CLIP4: variants seen among roughly 807,000 people sequenced by gnomAD.
CLIP4 encodes the protein CAP-Gly domain-containing linker protein 4.
A neutral mutation model predicts 73.1 loss-of-function variants in CLIP4; 47 were observed. The ratio of observed to expected loss-of-function variants is 0.64; its 90% CI spans 0.51 to 0.82. The LOEUF (loss-of-function observed/expected upper bound fraction) is 0.82. Among genes scored for constraint, CLIP4 ranks in the 40% least tolerant of loss-of-function variants. The pLI, the probability that CLIP4 is intolerant of heterozygous loss-of-function variation, is 0.00. For synonymous variants in CLIP4, 306 were observed against 295.4 expected (o/e 1.04, Z -0.37); for missense variants, 874 against 852.9 (o/e 1.02, Z -0.31).
At chr2:29,152,540 C>G in intron 8 of CLIP4, 145 bp from the exon 9 acceptor site, 1 of 729,308 alleles carries the variant, frequency 1.4e-6, no homozygotes, top group East Asian at 2.9e-5. Context: ...AGTACTGTGT[C>G]TTACATTTTT....
chr2:29,107,859 T>C (rs924792952), intron 1 of CLIP4, among the ~76,000 whole-genome samples: 34 of 152,188 alleles, frequency 2.2e-4, no homozygotes, highest in African/African-American at 8.0e-4. Context: ...ACTCTGAGAC[T>C]GAAATCTTCA....
chr2:29,107,070 C>T (rs534582864), intron 1 of CLIP4, among the ~76,000 whole-genome samples: 7 of 152,192 alleles, frequency 4.6e-5, no homozygotes, highest in Middle Eastern at 3.4e-3. Flanking sequence ...CTTTCTTTGG[C>T]GAGGAGAGTC....
upstream of CLIP4, chr2:29,115,086 C>T (rs1668504599): frequency 6.6e-6 from 1 of 152,418 alleles, no homozygotes; most frequent in Non-Finnish European, 1.5e-5. This position sits in a 1 kb window ranked among gnomAD's most constrained non-coding sequence, Gnocchi z 5.1. Context: ...CAAGCGCTGC[C>T]AGCAGGGAAC....
In CLIP4 at chr2:29,182,994, AT is replaced by A. The variant is rs757583660; in HGVS notation, c.*1104del. 5 of 152,328 alleles carry A rather than the reference AT, an allele frequency of 3.3e-5. No individual in the cohort carries two copies. Among genetic ancestry groups the A allele is most frequent in the Non-Finnish European group, 7.4e-5 (5 of 67,996 alleles). 9.4% of individuals were successfully genotyped at this position (152,328 alleles called of 1,614,324 possible). A position where few individuals can be genotyped will look rare whatever the true frequency, so the allele number is the denominator to read the frequency against. ...AGAACTGGTGTTGTTTGCTGTTTTT[AT>A]TTCTCTAATTGTTGCAGAGTTCTGC... On this transcript the variant is annotated 3_prime_UTR_variant, in exon 16 of 16. Coordinates refer to ENST00000320081, the MANE Select transcript of CLIP4 (RefSeq NM_024692.6).
Position 29,143,964 on chromosome 2 carries a change from A to G in CLIP4, c.885+19A>G, listed in dbSNP as rs3213947. 613,025 of 1,598,814 alleles carry G rather than the reference A, an allele frequency of 0.38. 123,932 individuals carry two copies. The highest frequency in any genetic ancestry group is 0.67 in the East Asian group (29,921 of 44,778). On this transcript the variant is annotated intron_variant, in intron 7 of 15. Coordinates refer to ENST00000320081, the MANE Select transcript of CLIP4 (RefSeq NM_024692.6). ...ACAGAAGGTACAGTAAGTAACTGCA[A>G]TCTCTGAAGCCAGGGTTGTTATGTC...
At chr2:29,136,039 C>T (rs923197844) in intron 6 of CLIP4, among the ~76,000 whole-genome samples, 3 of 151,912 alleles carry the variant, frequency 2.0e-5, no homozygotes, top group East Asian at 1.9e-4. Flanking sequence ...AAATTCATTT[C>T]GGAAAGTTAT....
intron 1 of CLIP4, among the ~76,000 whole-genome samples, chr2:29,105,073 AATG>A (rs1256645122): frequency 1.6e-4 from 25 of 152,286 alleles, no homozygotes; most frequent in African/African-American, 6.0e-4. Context: ...AAGTGGTTAA[AATG>A]ATGATTTGTG....
At position 29,152,840 on chromosome 2, in the gene CLIP4, C is replaced by T. The variant is rs563293784; in HGVS notation, c.1165+12C>T. ...AAAAGTAAATACTGGTAGGTCAAACCAGAAAGTTAACCATCTGCTTCAGTG... is the reference window on the plus strand; with the variant it reads ...AAAAGTAAATACTGGTAGGTCAAACTAGAAAGTTAACCATCTGCTTCAGTG... On this transcript the variant is annotated intron_variant, in intron 9 of 15. Transcript: ENST00000320081. 7.2e-5 allele frequency: 116 copies of T among 1,610,070 alleles called. 1 individual carries two copies. Among genetic ancestry groups the T allele is most frequent in the Admixed American group, 2.5e-4 (15 of 59,244 alleles).
At chr2:29,140,009 C>T (rs1488292463) in intron 6 of CLIP4, among the ~76,000 whole-genome samples, 2 of 151,600 alleles carry the variant, frequency 1.3e-5, no homozygotes, top group Non-Finnish European at 2.9e-5. Flanking sequence ...ATTTTTTTGA[C>T]TAGCTTTGGG....
At chr2:29,104,650 G>C (rs1383581801) in intron 1 of CLIP4, among the ~76,000 whole-genome samples, 1 of 152,162 alleles carries the variant, frequency 6.6e-6, no homozygotes, top group African/African-American at 2.4e-5. Flanking sequence ...GGAGTGGCCA[G>C]TCTCAGATTC....
chr2:29,136,837 A>C (rs1423396995), intron 6 of CLIP4, among the ~76,000 whole-genome samples: 1 of 151,966 alleles, frequency 6.6e-6, no homozygotes, highest in Admixed American at 6.6e-5. Context: ...ACAAAGCCCC[A>C]TTAGTGGGGA....
chr2:29,156,742 C>T (rs1280685622), intron 10 of CLIP4, among the ~76,000 whole-genome samples: 1 of 152,110 alleles, frequency 6.6e-6, no homozygotes, highest in Non-Finnish European at 1.5e-5. Flanking sequence ...GTTTCATTTG[C>T]CTTTAGCTAT....
intron 8 of CLIP4, among the ~76,000 whole-genome samples, chr2:29,148,168 G>A (rs914964973): frequency 2.0e-5 from 3 of 152,136 alleles, no homozygotes; most frequent in African/African-American, 7.2e-5. Flanking sequence ...AATGGGTATA[G>A]CCCTTGACAG....
chr2:29,107,358 G>GTTTTT (rs796180363), intron 1 of CLIP4, among the ~76,000 whole-genome samples: 899 of 65,206 alleles, frequency 0.014, 181 homozygotes, highest in East Asian at 0.1. Flanking sequence ...GAACATGATA[G>GTTTTT]TTTTTTTTTT....
chr2:29,159,893 T>C (rs1174079933), intron 11 of CLIP4, among the ~76,000 whole-genome samples: 2 of 152,216 alleles, frequency 1.3e-5, no homozygotes, highest in East Asian at 3.9e-4. Context: ...AAAAATATAT[T>C]GTCTATATCT....
chr2:29,145,622 A>G (rs1216019177), intron 8 of CLIP4, among the ~76,000 whole-genome samples: 1 of 152,166 alleles, frequency 6.6e-6, no homozygotes, highest in Non-Finnish European at 1.5e-5. Context: ...GAAAAACTTG[A>G]AAGGGAAAAG....
chr2:29,106,460 T>C (rs1302428998), intron 1 of CLIP4, among the ~76,000 whole-genome samples: 3 of 152,222 alleles, frequency 2.0e-5, no homozygotes, highest in Admixed American at 6.5e-5. Flanking sequence ...TTGTGTCTTA[T>C]GATCACAGCT....
At chr2:29,114,334 T>A (rs778770633), upstream of CLIP4, 13 of 152,166 alleles carry the variant, frequency 8.5e-5, no homozygotes, top group Non-Finnish European at 1.8e-4. Context: ...TGTGACCAGG[T>A]CATATCAGGA....
At chr2:29,166,904 G>T (rs940077428) in intron 13 of CLIP4, among the ~76,000 whole-genome samples, 1 of 152,158 alleles carries the variant, frequency 6.6e-6, no homozygotes, top group Non-Finnish European at 1.5e-5. Flanking sequence ...ACAGTTGAAA[G>T]AAAATGAGCC....
Sources: allele counts gnomAD v4.1 joint callset (sites outside exome capture counted in the v4.1 genomes callset), GRCh38; gene constraint gnomAD v4.1.1; non-coding constraint Gnocchi (gnomAD v3.1); transcripts MANE v1.5; gene names NCBI Gene and HGNC (gene_info 2026-07-23, HGNC 2026-07-21).